CNTN5: variants seen among roughly 807,000 people sequenced by gnomAD.
CNTN5 encodes contactin-5.
CNTN5 carries 77 observed loss-of-function variants against 129.1 expected under a neutral mutation model. The ratio of observed to expected loss-of-function variants is 0.60; its 90% CI spans 0.50 to 0.72. The LOEUF (loss-of-function observed/expected upper bound fraction) is 0.72, where lower values mean the gene tolerates loss of function less well. Ranked by LOEUF, CNTN5 falls within the 30% of genes least tolerant of loss-of-function variation. CNTN5 has a pLI of 0.00. For missense variants in CNTN5, 1,478 were observed against 1,328.8 expected (o/e 1.11, Z -1.75); for synonymous variants, 509 against 465.6 (o/e 1.09, Z -1.20).
intron 20 of CNTN5, among the ~76,000 whole-genome samples, chr11:100,306,016 G>A (rs1951340821): frequency 1.3e-5 from 2 of 151,168 alleles, no homozygotes; most frequent in Admixed American, 6.6e-5. Flanking sequence ...TTTGGGGGGG[G>A]CACATTCAAA....
chr11:99,504,476 G>T (rs1946541258), intron 2 of CNTN5, among the ~76,000 whole-genome samples: 1 of 150,200 alleles, frequency 6.7e-6, no homozygotes, highest in South Asian at 2.1e-4. Context: ...GGGAGGCGGA[G>T]GGTGCAGTGA....
At chr11:99,438,269 A>T (rs773685666) in intron 2 of CNTN5, among the ~76,000 whole-genome samples, 15 of 152,140 alleles carry the variant, frequency 9.9e-5, no homozygotes, top group Non-Finnish European at 1.6e-4. Flanking sequence ...TAAAATAAAG[A>T]TTTTTGAATA....
intron 2 of CNTN5, among the ~76,000 whole-genome samples, chr11:99,398,555 T>A (rs1393576041): frequency 6.6e-6 from 1 of 151,902 alleles, no homozygotes; most frequent in Admixed American, 6.6e-5. Context: ...TCACTTACCA[T>A]CCCTATTTTT....
chr11:99,421,751 G>T (rs896127097), intron 2 of CNTN5, among the ~76,000 whole-genome samples: 45 of 152,012 alleles, frequency 3.0e-4, no homozygotes, highest in African/African-American at 1.1e-3. Flanking sequence ...AGTGTTGTTT[G>T]CTTTGTAAGT....
intron 2 of CNTN5, among the ~76,000 whole-genome samples, chr11:99,524,133 T>C (rs947312502): frequency 6.6e-6 from 1 of 152,104 alleles, no homozygotes; most frequent in Non-Finnish European, 1.5e-5. Context: ...AAATAGACAA[T>C]TTATGGCTCA....
chr11:100,294,102 T>C (rs1951054713), intron 18 of CNTN5, among the ~76,000 whole-genome samples: 1 of 151,760 alleles, frequency 6.6e-6, no homozygotes, highest in South Asian at 2.1e-4. Context: ...CAAAATTGTA[T>C]GGCCTGTCCC....
At chr11:100,070,926 C>T (rs917214075) in intron 11 of CNTN5, among the ~76,000 whole-genome samples, 31 of 151,226 alleles carry the variant, frequency 2.0e-4, no homozygotes, top group African/African-American at 7.5e-4. Context: ...TGTAGCTAAC[C>T]TTTAGATATC....
rs187166438 is a variant in CNTN5, at chr11:100,125,230, G to C, written c.1580+50936G>C. On this transcript the variant is annotated intron_variant, in intron 13 of 24. Transcript: ENST00000524871. ...GTACATGAACAGGTTTATTAACTGG[G>C]TATATTGCATGAAGCTGAGGTTTGT... is the stretch of plus-strand genomic sequence containing the variant. 1.5e-4 allele frequency among the ~76,000 whole-genome samples: 23 copies of C among 152,080 alleles called. No individual in the cohort carries two copies. In the South Asian group the frequency reaches 4.8e-3, roughly 32 times the overall value.
chr11:99,397,726 G>T (rs1302937377), intron 2 of CNTN5, among the ~76,000 whole-genome samples: 2 of 151,162 alleles, frequency 1.3e-5, no homozygotes, highest in Non-Finnish European at 3.0e-5. Context: ...TTTTTTTCTG[G>T]TATTACAAGA....
At chr11:99,789,831 A>C (rs1945674417) in intron 3 of CNTN5, among the ~76,000 whole-genome samples, 1 of 151,944 alleles carries the variant, frequency 6.6e-6, no homozygotes, top group African/African-American at 2.4e-5. Flanking sequence ...ACATGGTTAT[A>C]TTGCGTGATG....
intron 2 of CNTN5, among the ~76,000 whole-genome samples, chr11:99,439,249 G>A (rs1943718386): frequency 1.3e-5 from 2 of 152,008 alleles, no homozygotes; most frequent in Admixed American, 1.3e-4. Context: ...AAGGAATCAG[G>A]AGGCATGTTA....
intron 2 of CNTN5, among the ~76,000 whole-genome samples, chr11:99,541,669 C>T (rs1050685884): frequency 3.9e-5 from 6 of 152,224 alleles, no homozygotes; most frequent in South Asian, 2.1e-4. Context: ...TTGGGCTCAG[C>T]CAGGTGCAGT....
At chr11:100,244,953 A>G (rs1391396019) in intron 16 of CNTN5, among the ~76,000 whole-genome samples, 1 of 152,178 alleles carries the variant, frequency 6.6e-6, no homozygotes, top group East Asian at 1.9e-4. Context: ...CTTAGCAAAT[A>G]TAAGAAATTA....
chr11:99,332,607 T>C (rs1490490915), intron 2 of CNTN5, among the ~76,000 whole-genome samples: 2 of 152,078 alleles, frequency 1.3e-5, no homozygotes, highest in Non-Finnish European at 2.9e-5. Context: ...TCTTACTCTA[T>C]TATGGTGTAC....
chr11:99,034,196 T>A (rs1863568710), intron 1 of CNTN5, among the ~76,000 whole-genome samples: 2 of 152,230 alleles, frequency 1.3e-5, no homozygotes, highest in Non-Finnish European at 1.5e-5. Context: ...GATTTTTGCA[T>A]CAATGTTCAT....
At chr11:100,096,983 A>T (rs1327056892) in intron 13 of CNTN5, among the ~76,000 whole-genome samples, 1 of 152,152 alleles carries the variant, frequency 6.6e-6, no homozygotes, top group Non-Finnish European at 1.5e-5. Context: ...AGTGTTCCAC[A>T]AGACTTTGCT....
At chr11:99,129,019 T>A (rs1858796544) in intron 1 of CNTN5, among the ~76,000 whole-genome samples, 1 of 151,954 alleles carries the variant, frequency 6.6e-6, no homozygotes, top group South Asian at 2.1e-4. Context: ...CAAGCAAAAA[T>A]GCTGAAAATT....
chr11:99,397,538 G>T (rs865865267), intron 2 of CNTN5, among the ~76,000 whole-genome samples: 1 of 151,488 alleles, frequency 6.6e-6, no homozygotes, highest in South Asian at 2.1e-4. Flanking sequence ...TCTATCTAAT[G>T]ATTTATTTGT....
At chr11:100,260,712 A>T (rs967944660) in intron 17 of CNTN5, among the ~76,000 whole-genome samples, 3 of 152,232 alleles carry the variant, frequency 2.0e-5, no homozygotes, top group Non-Finnish European at 2.9e-5. Flanking sequence ...TTATCTCAAT[A>T]TATGCAGAAA....
Sources: gnomAD v4.1 joint callset for allele counts (sites outside exome capture counted in the v4.1 genomes callset) on GRCh38, gnomAD v4.1.1 for gene constraint, MANE v1.5 for transcripts, NCBI Gene and HGNC (gene_info 2026-07-23, HGNC 2026-07-21) for gene names.